REST: variants seen among roughly 807,000 people sequenced by gnomAD.
REST encodes RE1 silencing transcription factor, also known as RE1-silencing transcription factor.
REST carries 1 observed loss-of-function variant against 30.4 expected under a neutral mutation model. The ratio of observed to expected loss-of-function variants is 0.03; its 90% CI spans 0.01 to 0.16. The LOEUF is 0.16. Among genes scored for constraint, REST ranks in the 10% least tolerant of loss-of-function variants. REST has a pLI of 1.00. For synonymous variants in REST, 504 were observed against 451.1 expected, an observed-to-expected ratio of 1.12 and a Z score of -1.49; for missense variants, 1,259 against 1,329.5, an observed-to-expected ratio of 0.95 and a Z score of 0.82.
At chr4:56,915,398 A>G (rs1305942745) in intron 2 of REST, among the ~76,000 whole-genome samples, 2 of 150,978 alleles carry the variant, frequency 1.3e-5, no homozygotes, top group Non-Finnish European at 2.9e-5. Flanking sequence ...GGTGCGTGCC[A>G]CCACGCCCAG....
intron 2 of REST, among the ~76,000 whole-genome samples, chr4:56,913,240 GCCT>G (rs752771467): frequency 6.6e-6 from 1 of 152,078 alleles, no homozygotes; most frequent in Non-Finnish European, 1.5e-5. Context: ...GCTCACCACA[GCCT>G]CTACCTCCTG....
At position 56,911,252 on chromosome 4, in the gene REST, C is replaced by T. The variant is rs773458977; in HGVS notation, c.614C>T (p.Thr205Ile). Residue 205 changes from threonine (T) to isoleucine (I), a missense_variant, in exon 2 of 4, where the codon ACT (threonine) becomes ATT (isoleucine). Thr to Ile is a moderately conservative substitution (Grantham distance 89). This residue lies in a region of REST where 249 missense variants were observed against 251.5 expected (regional missense o/e 0.99). Transcript: ENST00000309042. ...AAAGCCAGGGAATCTGGCTCTTCCACTGCAGAAGAGGGAGATTTCTCCAAG... is the reference window on the plus strand; with the variant it reads ...AAAGCCAGGGAATCTGGCTCTTCCATTGCAGAAGAGGGAGATTTCTCCAAG... ...QAKARESGSS[T>I]AEEGDFSKGP... The T allele has an allele frequency of 3.1e-6, 5 of 1,614,160 alleles. No homozygotes were observed. In the Admixed American group the frequency reaches 8.3e-5, roughly 27 times the overall value.
Position 56,930,612 on chromosome 4 carries a change from A to G in REST, c.1754A>G (p.Lys585Arg). The G allele has an allele frequency of 6.2e-7, 1 of 1,612,912 alleles. No individual in the cohort carries two copies. Among genetic ancestry groups the G allele is most frequent in the Admixed American group, 1.7e-5 (1 of 59,982 alleles). Residue 585 changes from lysine to arginine, a missense_variant, in exon 4 of 4, where the codon AAA becomes AGA. Physicochemically the swap from Lys to Arg is conservative, Grantham distance 26 (BLOSUM62 2). This residue lies in a region of REST where 856 missense variants were observed against 772.8 expected (regional missense o/e 1.11). Coordinates refer to ENST00000309042, the MANE Select transcript of REST (RefSeq NM_005612.5). ...AAAAGTACAAAGAAGAAAACTCTGA[A>G]AAATAAATCAAGTAAGAAAAGCAGT... ...MKKSTKKKTL[K>R]NKSSKKSSKP...
chr4:56,920,499 C>T (rs973929083), intron 3 of REST, among the ~76,000 whole-genome samples: 64 of 152,042 alleles, frequency 4.2e-4, no homozygotes, highest in African/African-American at 1.4e-3. Flanking sequence ...TGGTGGCTCA[C>T]GCCCTTAATC....
intron 3 of REST, among the ~76,000 whole-genome samples, chr4:56,925,562 C>G (rs1272817933): frequency 6.6e-6 from 1 of 152,188 alleles, no homozygotes; most frequent in Admixed American, 6.5e-5. Context: ...TTGCAGAACT[C>G]TTTCCCCTTT....
chr4:56,908,722 G>T (rs1463136672), intron 1 of REST, among the ~76,000 whole-genome samples: 1 of 151,900 alleles, frequency 6.6e-6, no homozygotes, highest in Non-Finnish European at 1.5e-5. Context: ...GGGCCCGGGC[G>T]GTTCCGCCTG....
chr4:56,920,344 C>T (rs1288811031), intron 3 of REST, among the ~76,000 whole-genome samples: 1 of 150,080 alleles, frequency 6.7e-6, no homozygotes, highest in Non-Finnish European at 1.5e-5. Flanking sequence ...AAAAGTTTAG[C>T]TTGAAAAAGA....
chr4:56,919,070 A>AT (rs1361452324), intron 2 of REST, among the ~76,000 whole-genome samples: 2 of 150,834 alleles, frequency 1.3e-5, no homozygotes, highest in Non-Finnish European at 3.0e-5. Flanking sequence ...TGCCCGGCTA[A>AT]TTTTTTTTGT....
chr4:56,914,141 A>G (rs781661), intron 2 of REST, among the ~76,000 whole-genome samples: 106,126 of 151,594 alleles, frequency 0.7, 37,330 homozygotes, highest in African/African-American at 0.78. Context: ...TGTTGCCCAG[A>G]TTGGTCTGTA....
intron 3 of REST, among the ~76,000 whole-genome samples, chr4:56,929,348 G>T (rs12500454): frequency 0.35 from 53,551 of 151,922 alleles, 9,726 homozygotes; most frequent in Middle Eastern, 0.49. Flanking sequence ...ATTTTGTTTT[G>T]ATTTATTTTG....
intron 1 of REST, among the ~76,000 whole-genome samples, 151 bp downstream of exon 1, chr4:56,908,364 C>T (rs1719718086): frequency 6.6e-6 from 1 of 151,460 alleles, no homozygotes; most frequent in Non-Finnish European, 1.5e-5. Flanking sequence ...CGGCGGCGGC[C>T]CCGCCGGGCG....
rs1277927022 is a variant in REST, at chr4:56,907,920, T to G, written c.-303T>G. The G allele has an allele frequency of 2.9e-5, 7 of 244,120 alleles. No homozygotes were observed. The highest frequency in any genetic ancestry group is 6.9e-5 in the East Asian group (1 of 14,526). 15.1% of individuals were successfully genotyped at this position (244,120 alleles called of 1,614,324 possible). A position where few individuals can be genotyped will look rare whatever the true frequency, so the allele number is the denominator to read the frequency against. ...ACTGGGTGCGCGGCGCAGCGTCCTG[T>G]GTTGGAATGTGCGGCTGCCGCGAGC... On this transcript the variant is annotated 5_prime_UTR_variant, in exon 1 of 4. Transcript: ENST00000309042.
chr4:56,915,240 ATTTTTT>A lies in REST; in HGVS notation c.898+3722_898+3727del, dbSNP rs1193678055. Reference sequence around the variant, plus strand: ...CAATTTTGTGTGTGTGTGTGTGTGTATTTTTTTTTTTTTTTTTTTTTTTGAGATGGA... The same window carrying A: ...CAATTTTGTGTGTGTGTGTGTGTGTATTTTTTTTTTTTTTTTTGAGATGGA... On this transcript the variant is annotated intron_variant, in intron 2 of 3. Transcript: ENST00000309042. 6.5e-3 allele frequency among the ~76,000 whole-genome samples: 360 copies of A among 55,542 alleles called. 4 individuals are homozygous for A. In the Middle Eastern group the frequency reaches 0.083, roughly 13 times the overall value. 36.4% of individuals were successfully genotyped at this position (55,542 alleles called of 152,430 possible).
Position 56,910,556 on chromosome 4 carries a change from A to G in REST, c.-9-74A>G, listed in dbSNP as rs1474585087. ...GAAAATTTTTAAGTTATGAAGAATT[A>G]CAGCGATGTGGTTTTAAGCCAGTAA... is the stretch of plus-strand genomic sequence containing the variant. On this transcript the variant is annotated intron_variant, in intron 1 of 3. Coordinates refer to ENST00000309042, the MANE Select transcript of REST (RefSeq NM_005612.5). 6 of 1,276,858 alleles carry G rather than the reference A, an allele frequency of 4.7e-6. No individual in the cohort carries two copies. In the African/African-American group the frequency reaches 8.9e-5, roughly 19 times the overall value. 79.1% of individuals were successfully genotyped at this position (1,276,858 alleles called of 1,614,324 possible).
chr4:56,930,738 A>G lies in REST; in HGVS notation c.1880A>G (p.Gln627Arg), dbSNP rs1181615706. Residue 627 changes from glutamine (Q) to arginine (R), a missense_variant, in exon 4 of 4, where the codon CAG (glutamine) becomes CGG (arginine). Gln to Arg is a conservative substitution (Grantham distance 43). Around this residue, in one of 5 missense-constraint regions of REST, gnomAD observed 856 missense variants for 772.8 expected, o/e 1.11. Transcript: ENST00000309042. Reference sequence around the variant, plus strand: ...GAGGCGGTTCAGAAGGGGCCCGTTCAGGTGGAGCCGCCACCTCCCATGGAG... The same window carrying G: ...GAGGCGGTTCAGAAGGGGCCCGTTCGGGTGGAGCCGCCACCTCCCATGGAG... ...PTEAVQKGPV[Q>R]VEPPPPMEHA... 1.2e-6 allele frequency: 2 copies of G among 1,601,086 alleles called. No individual in the cohort carries two copies. Among genetic ancestry groups the G allele is most frequent in the African/African-American group, 1.4e-5 (1 of 73,972 alleles).
intron 2 of REST, among the ~76,000 whole-genome samples, chr4:56,912,820 A>G (rs965640988): frequency 1.3e-5 from 2 of 151,052 alleles, no homozygotes; most frequent in Non-Finnish European, 2.9e-5. Context: ...TAATTTTTGT[A>G]TTTTTAGTAG....
chr4:56,924,888 A>G (rs1720613399), intron 3 of REST, among the ~76,000 whole-genome samples: 1 of 152,124 alleles, frequency 6.6e-6, no homozygotes, highest in African/African-American at 2.4e-5. Context: ...TTTGCCGGCT[A>G]TGCACGGTTG....
Position 56,930,142 on chromosome 4 carries a change from G to A in REST, c.1284G>A (p.Lys428=), listed in dbSNP as rs775181722. 38 of 1,611,448 alleles carry A rather than the reference G, an allele frequency of 2.4e-5. No individual in the cohort carries two copies. The East Asian group carries it at 8.0e-4, about 34-fold the overall frequency. The change falls in exon 4 of 4, where the codon AAG becomes AAA. Residue 428 remains lysine (K), a synonymous_variant. Transcript: ENST00000309042. ...KTMDVSKVKL[K]KTKKREADLP... is the part of the protein sequence containing the mutation. ...TGGATGTCTCAAAAGTGAAACTAAA[G>A]AAAACCAAAAAACGAGAGGCTGACT...
chr4:56,915,779 T>C (rs2109536611), intron 2 of REST, among the ~76,000 whole-genome samples: 1 of 152,334 alleles, frequency 6.6e-6, no homozygotes, highest in Middle Eastern at 3.4e-3. Context: ...AGTTTTCTGA[T>C]TGGCTTAGTG....
Sources: gnomAD v4.1 joint callset for allele counts (sites outside exome capture counted in the v4.1 genomes callset) on GRCh38, gnomAD v4.1.1 for gene constraint, gnomAD v4.1.1 regional missense constraint, MANE v1.5 for transcripts, NCBI Gene and HGNC (gene_info 2026-07-23, HGNC 2026-07-21) for gene names.